KCNJ6: variants seen among roughly 807,000 people sequenced by gnomAD.
KCNJ6 encodes potassium inwardly rectifying channel subfamily J member 6.
Under a neutral mutation model 34.2 loss-of-function variants are expected in KCNJ6, and 9 were observed. The observed-to-expected ratio is 0.26, with a 90% CI of 0.16 to 0.46. KCNJ6 has a LOEUF of 0.46. Ranked by LOEUF, KCNJ6 falls within the 20% of genes least tolerant of loss-of-function variation. The pLI, the probability that KCNJ6 is intolerant of heterozygous loss-of-function variation, is 1.00. For missense variants in KCNJ6, 236 were observed against 531.3 expected, an observed-to-expected ratio of 0.44 and a Z score of 5.46; for synonymous variants, 196 against 207.1, an observed-to-expected ratio of 0.95 and a Z score of 0.46.
At chr21:37,725,078 A>G (rs1043131251) in intron 2 of KCNJ6, among the ~76,000 whole-genome samples, 13 of 152,216 alleles carry the variant, frequency 8.5e-5, no homozygotes, top group Admixed American at 1.3e-4. Flanking sequence ...AACACGACAC[A>G]TATATATTCC....
At chr21:37,858,773 G>A (rs1470223669) in intron 1 of KCNJ6, among the ~76,000 whole-genome samples, 1 of 151,914 alleles carries the variant, frequency 6.6e-6, no homozygotes, top group Non-Finnish European at 1.5e-5. Flanking sequence ...TTCTCCATGG[G>A]TTTTTTTTGA....
Position 37,675,016 on chromosome 21 carries a change from C to T in KCNJ6, c.946+39195G>A, listed in dbSNP as rs1360889625. ...GCCCACCCTGCACTGCCCCTGTCCC[C>T]AAGCCTTCCAGGTGGACTCATGCAG... is the stretch of plus-strand genomic sequence containing the variant. On this transcript the variant is annotated intron_variant, in intron 3 of 3. Coordinates refer to ENST00000609713, the MANE Select transcript of KCNJ6 (RefSeq NM_002240.5). This position sits in a 1 kb window ranked among gnomAD's most constrained non-coding sequence, Gnocchi z 4.2. Among the ~76,000 whole-genome samples the T allele has an allele frequency of 2.0e-5, 3 of 152,174 alleles. No homozygotes were observed. The highest frequency in any genetic ancestry group is 4.4e-5 in the Non-Finnish European group (3 of 68,036).
intron 2 of KCNJ6, among the ~76,000 whole-genome samples, chr21:37,836,502 A>G (rs960000038): frequency 1.3e-5 from 2 of 152,240 alleles, no homozygotes; most frequent in African/African-American, 4.8e-5. Flanking sequence ...ATGCCCATCA[A>G]TGATAGACTG....
At chr21:37,738,621 A>G (rs1293505644) in intron 2 of KCNJ6, among the ~76,000 whole-genome samples, 1 of 152,204 alleles carries the variant, frequency 6.6e-6, no homozygotes, top group Non-Finnish European at 1.5e-5. Context: ...CTTTTGGCTC[A>G]TATCATAAAT....
At chr21:37,725,371 C>A (rs8130672) in intron 2 of KCNJ6, among the ~76,000 whole-genome samples, 52,299 of 151,838 alleles carry the variant, frequency 0.34, 9,686 homozygotes, top group East Asian at 0.5. Flanking sequence ...CCAGCCTGGG[C>A]AATAGAGCAA....
At chr21:37,700,169 C>T (rs778528285) in intron 3 of KCNJ6, among the ~76,000 whole-genome samples, 15 of 151,882 alleles carry the variant, frequency 9.9e-5, no homozygotes, top group Admixed American at 5.2e-4. Context: ...TGTGGTCAGT[C>T]ACCCATGAAA....
chr21:37,865,839 C>G (rs985200826), intron 1 of KCNJ6, among the ~76,000 whole-genome samples: 1 of 152,310 alleles, frequency 6.6e-6, no homozygotes, highest in South Asian at 2.1e-4. Context: ...CACTCAAGAC[C>G]AAATGGTCCT....
intron 3 of KCNJ6, among the ~76,000 whole-genome samples, chr21:37,669,962 A>G (rs2054534397): frequency 6.6e-6 from 1 of 152,232 alleles, no homozygotes; most frequent in South Asian, 2.1e-4. Context: ...ATGAAGATTT[A>G]CCCCTGTGTT....
At chr21:37,775,490 C>T (rs573845886) in intron 2 of KCNJ6, among the ~76,000 whole-genome samples, 6 of 152,322 alleles carry the variant, frequency 3.9e-5, no homozygotes, top group African/African-American at 1.2e-4. Flanking sequence ...TTAGGTCTAA[C>T]ATTTAAGTCT....
Position 37,613,579 on chromosome 21 carries a change from T to C in KCNJ6, c.*11580A>G, listed in dbSNP as rs1179641466. ...GTACATCCAGAAAATGGATGAGTGT[T>C]TGGTGCTAAAAAAGTGAGCTCTCAA... On this transcript the variant is annotated 3_prime_UTR_variant, in exon 4 of 4. Coordinates refer to ENST00000609713, the MANE Select transcript of KCNJ6 (RefSeq NM_002240.5). 1 of 152,148 alleles carries C rather than the reference T, an allele frequency of 6.6e-6. No individual in the cohort carries two copies. The allele number at this position is 152,148 out of a possible 1,614,324, so 9.4% of individuals were successfully genotyped here.
chr21:37,636,237 C>T (rs857947), intron 3 of KCNJ6, among the ~76,000 whole-genome samples: 111,473 of 152,064 alleles, frequency 0.73, 41,244 homozygotes, highest in East Asian at 0.9. Context: ...ATTCAAATGC[C>T]AGTCTCTTCT....
intron 2 of KCNJ6, among the ~76,000 whole-genome samples, chr21:37,728,503 A>T (rs1403893341): frequency 6.6e-6 from 1 of 152,232 alleles, no homozygotes; most frequent in African/African-American, 2.4e-5. Context: ...AAGCATAAAT[A>T]TATTTAAAAT....
chr21:37,789,849 G>A (rs2055208950), intron 2 of KCNJ6, among the ~76,000 whole-genome samples: 1 of 152,186 alleles, frequency 6.6e-6, no homozygotes, highest in African/African-American at 2.4e-5. Flanking sequence ...AACTTTAGGT[G>A]TCTTAGGCCC....
At chr21:37,868,777 C>T (rs549326361) in intron 1 of KCNJ6, among the ~76,000 whole-genome samples, 73 of 152,286 alleles carry the variant, frequency 4.8e-4, no homozygotes, top group African/African-American at 1.6e-3. Context: ...GCTCTCACAA[C>T]GGGCAGGCAG....
chr21:37,751,239 T>A (rs921572206), intron 2 of KCNJ6, among the ~76,000 whole-genome samples: 1 of 152,190 alleles, frequency 6.6e-6, no homozygotes, highest in Non-Finnish European at 1.5e-5. Flanking sequence ...TCTGCTAATT[T>A]TCCAATCTCT....
At chr21:37,872,803 G>A (rs746005244) in intron 1 of KCNJ6, among the ~76,000 whole-genome samples, 2 of 152,146 alleles carry the variant, frequency 1.3e-5, no homozygotes, top group African/African-American at 2.4e-5. Context: ...GGAACTGGTC[G>A]GAGGTAATTG....
intron 2 of KCNJ6, among the ~76,000 whole-genome samples, chr21:37,803,833 T>C (rs2055281058): frequency 6.6e-6 from 1 of 152,208 alleles, no homozygotes; most frequent in Non-Finnish European, 1.5e-5. Context: ...GCTCACCTTT[T>C]GACTGTGTCC....
intron 3 of KCNJ6, among the ~76,000 whole-genome samples, chr21:37,669,525 G>A (rs1447012914): frequency 6.6e-6 from 1 of 151,964 alleles, no homozygotes; most frequent in Admixed American, 6.6e-5. Flanking sequence ...TCAGTTCTTT[G>A]TATCTTTAGG....
Position 37,783,262 on chromosome 21 carries a change from T to C in KCNJ6, c.25+57396A>G, listed in dbSNP as rs566875993. 2.0e-5 allele frequency among the ~76,000 whole-genome samples: 3 copies of C among 152,312 alleles called. No homozygotes were observed. In the South Asian group the frequency reaches 6.2e-4, roughly 32 times the overall value. On this transcript the variant is annotated intron_variant, in intron 2 of 3. Coordinates refer to ENST00000609713, the MANE Select transcript of KCNJ6 (RefSeq NM_002240.5). ...TGCATCAGCAAAATATCTGTGTGGT[T>C]TGGCTGTGTCCCCACCCAAATCTCA...
Sources: allele counts gnomAD v4.1 joint callset (sites outside exome capture counted in the v4.1 genomes callset), GRCh38; gene constraint gnomAD v4.1.1; non-coding constraint Gnocchi (gnomAD v3.1); transcripts MANE v1.5; gene names NCBI Gene and HGNC (gene_info 2026-07-23, HGNC 2026-07-21).